The following CEMIP2 variants were observed in gnomAD, a reference collection of about 807,000 sequenced individuals.
CEMIP2 encodes cell surface hyaluronidase CEMIP2.
In CEMIP2, 79 loss-of-function variants were observed where a neutral mutation model predicts 146.9. The ratio of observed to expected loss-of-function variants is 0.54; its 90% CI spans 0.45 to 0.65. The LOEUF (loss-of-function observed/expected upper bound fraction) is 0.65, where lower values mean the gene tolerates loss of function less well. Among genes scored for constraint, CEMIP2 ranks in the 30% least tolerant of loss-of-function variants. The pLI is 0.00. For missense variants in CEMIP2, 1,596 were observed against 1,696.2 expected, an observed-to-expected ratio of 0.94 and a Z score of 1.04; for synonymous variants, 601 against 606.3, an observed-to-expected ratio of 0.99 and a Z score of 0.13.
chr9:71,746,265 C>A lies in CEMIP2; in HGVS notation c.408G>T (p.Lys136Asn), dbSNP rs757935265. The part of the protein sequence containing the change: ...GQDSAKQVVI[K>N]EGDMLRLTSD... ...AGGTCAGACGGAGCATATCTCCCTC[C>A]TTGATAACAACTTGCTTTGCAGAAT... Residue 136 changes from lysine to asparagine, a missense_variant, in exon 3 of 24, where the codon AAG becomes AAT. Lys to Asn is a moderately conservative substitution (Grantham distance 94). Transcript: ENST00000377044. 16 of 1,613,860 alleles carry A rather than the reference C, an allele frequency of 9.9e-6. No homozygotes were observed. The East Asian group carries it at 3.6e-4, about 36-fold the overall frequency.
intron 1 of CEMIP2, among the ~76,000 whole-genome samples, chr9:71,757,181 GCATATTGGCCCCATCATCCCCT>G (rs1824485394): frequency 6.6e-6 from 1 of 152,128 alleles, no homozygotes; most frequent in Admixed American, 6.5e-5. Context: ...TCCAAGAAAT[GCATATTGGCCCCATCATCCCCT>G]CATATTGAAC....
chr9:71,683,791 A>C lies in CEMIP2; in HGVS notation c.*1406T>G, dbSNP rs1345351442. On this transcript the variant is annotated 3_prime_UTR_variant, in exon 24 of 24. Coordinates refer to ENST00000377044, the MANE Select transcript of CEMIP2 (RefSeq NM_013390.3). Reference sequence around the variant, plus strand: ...CCTGGATACAAAGGTAGAGGCCATCAGCCTTTGCCCCTAGAAGAGGAAAGT... The same window carrying C: ...CCTGGATACAAAGGTAGAGGCCATCCGCCTTTGCCCCTAGAAGAGGAAAGT... 6.6e-6 allele frequency: 1 copy of C among 152,670 alleles called. No homozygotes were observed. The highest frequency in any genetic ancestry group is 1.9e-4 in the East Asian group (1 of 5,202). The allele number at this position is 152,670 out of a possible 1,614,324, so 9.5% of individuals were successfully genotyped here.
chr9:71,759,828 T>TGGGGGGGGGGGGGGGGGG (rs34134528), intron 1 of CEMIP2, among the ~76,000 whole-genome samples: 7 of 60,682 alleles, frequency 1.2e-4, no homozygotes, highest in Admixed American at 1.9e-4. Context: ...TACGGGGAGG[T>TGGGGGGGGGGGGGGGGGG]GGGGGGGGGA....
intron 4 of CEMIP2, among the ~76,000 whole-genome samples, chr9:71,743,491 A>G (rs1274509058): frequency 6.6e-6 from 1 of 152,204 alleles, no homozygotes; most frequent in East Asian, 1.9e-4. Flanking sequence ...CTTGGTCTGA[A>G]AAAGCTTTCT....
At chr9:71,724,052 C>T (rs981091965) in intron 11 of CEMIP2, among the ~76,000 whole-genome samples, 2 of 152,110 alleles carry the variant, frequency 1.3e-5, no homozygotes, top group Non-Finnish European at 2.9e-5. Flanking sequence ...AATCCCAACA[C>T]CTTGGGAGGC....
chr9:71,723,767 C>T (rs567085927), intron 11 of CEMIP2, among the ~76,000 whole-genome samples: 15 of 152,204 alleles, frequency 9.9e-5, no homozygotes, highest in Non-Finnish European at 1.9e-4. Context: ...CCATAAGGAC[C>T]AGTGTGTGTG....
chr9:71,747,293 A>T (rs1212876055), intron 2 of CEMIP2, among the ~76,000 whole-genome samples: 1 of 152,186 alleles, frequency 6.6e-6, no homozygotes, highest in Admixed American at 6.5e-5. Flanking sequence ...ATTTCCTCAG[A>T]GTTTATATGC....
chr9:71,686,489 A>G (rs1463014525), intron 22 of CEMIP2: 2 of 152,420 alleles, frequency 1.3e-5, no homozygotes, highest in Non-Finnish European at 2.9e-5. Flanking sequence ...AAAAGTGCAC[A>G]GTAAATGTAA....
At chr9:71,753,417 G>A (rs1020038787) in intron 1 of CEMIP2, among the ~76,000 whole-genome samples, 29 of 152,270 alleles carry the variant, frequency 1.9e-4, no homozygotes, top group Non-Finnish European at 2.1e-4. Flanking sequence ...ATCCCAACAT[G>A]AAAATTCAGA....
chr9:71,697,767 G>A (rs950405611), intron 20 of CEMIP2: 3 of 520,948 alleles, frequency 5.8e-6, no homozygotes, highest in African/African-American at 3.8e-5. Context: ...AGTTGTTCAA[G>A]GTAAACTGAC....
chr9:71,704,034 C>T (rs757381268), intron 18 of CEMIP2, among the ~76,000 whole-genome samples: 2 of 152,202 alleles, frequency 1.3e-5, no homozygotes, highest in Non-Finnish European at 2.9e-5. Flanking sequence ...ACAATAAACA[C>T]TTGAATAAAT....
chr9:71,692,858 C>T (rs1393926618), intron 21 of CEMIP2, among the ~76,000 whole-genome samples: 2 of 152,032 alleles, frequency 1.3e-5, no homozygotes, highest in Non-Finnish European at 2.9e-5. Context: ...GCCGAGATTG[C>T]GCCACTGCAC....
chr9:71,696,522 G>C (rs1420446754), intron 20 of CEMIP2, among the ~76,000 whole-genome samples: 1 of 151,812 alleles, frequency 6.6e-6, no homozygotes, highest in Non-Finnish European at 1.5e-5. Flanking sequence ...TGTAATCCCA[G>C]TACTTTGGGA....
chr9:71,712,151 A>G lies in CEMIP2; in HGVS notation c.2701T>C (p.Phe901Leu). The change falls in exon 16 of 24, where the codon TTC becomes CTC. Residue 901 changes from phenylalanine to leucine, a missense_variant. By Grantham distance (22) the Phe-to-Leu change is conservative (BLOSUM62 0). Coordinates refer to ENST00000377044, the MANE Select transcript of CEMIP2 (RefSeq NM_013390.3). ...TPDRYSSAIG[F>L]LMKNSWQITP... is the part of the protein sequence containing the mutation. ...ATCTGCCAGGAATTCTTCATGAGGA[A>G]GCCAATTGCACTGCTGTACCTATCT... The G allele has an allele frequency of 1.2e-6, 2 of 1,614,174 alleles. No homozygotes were observed. The highest frequency in any genetic ancestry group is 1.7e-6 in the Non-Finnish European group (2 of 1,180,002).
At chr9:71,741,630 G>GTTTT (rs1823919462) in intron 4 of CEMIP2, among the ~76,000 whole-genome samples, 1 of 101,962 alleles carries the variant, frequency 9.8e-6, no homozygotes, top group South Asian at 3.7e-4. Context: ...TTTCTTTTCT[G>GTTTT]GTTTTTTTTT....
At chr9:71,723,264 C>A (rs1823294225) in intron 11 of CEMIP2, among the ~76,000 whole-genome samples, 1 of 146,588 alleles carries the variant, frequency 6.8e-6, no homozygotes, top group African/African-American at 2.5e-5. Context: ...GAAGTCAGGA[C>A]AATAGGAATT....
intron 12 of CEMIP2, 86 bp downstream of exon 12, chr9:71,722,341 C>T (rs1033630606): frequency 2.2e-5 from 23 of 1,026,592 alleles, no homozygotes; most frequent in Middle Eastern, 4.2e-4. Flanking sequence ...AATGTATTAC[C>T]ACAGAAAGAG....
At chr9:71,745,633 A>C in intron 3 of CEMIP2, 54 bp from the exon 4 acceptor site, 1 of 1,485,384 alleles carries the variant, frequency 6.7e-7, no homozygotes, top group South Asian at 1.3e-5. Flanking sequence ...TCTGAGATAC[A>C]AGGAAATAGA....
intron 22 of CEMIP2, among the ~76,000 whole-genome samples, chr9:71,688,419 C>T (rs1407416651): frequency 2.6e-5 from 4 of 151,490 alleles, no homozygotes; most frequent in African/African-American, 9.7e-5. Flanking sequence ...GAGACAGAGT[C>T]GCGCTCTGTT....
Sources: allele counts gnomAD v4.1 joint callset (sites outside exome capture counted in the v4.1 genomes callset), GRCh38; gene constraint gnomAD v4.1.1; transcripts MANE v1.5; gene names NCBI Gene and HGNC (gene_info 2026-07-23, HGNC 2026-07-21).